RTTN: variants seen among roughly 807,000 people sequenced by gnomAD.
The protein encoded by RTTN is rotatin.
Under a neutral mutation model 269.2 loss-of-function variants are expected in RTTN, and 182 were observed. The observed-to-expected ratio is 0.68, with a 90% CI of 0.60 to 0.76. The LOEUF is 0.76. RTTN is among the 30% of genes least tolerant of loss of function. The pLI is 0.00. For synonymous variants in RTTN, 1,006 were observed against 963.5 expected (o/e 1.04, Z -0.82); for missense variants, 2,545 against 2,608.6 (o/e 0.98, Z 0.53).
At chr18:70,019,071 A>T (rs1233747154) in intron 45 of RTTN, among the ~76,000 whole-genome samples, 1 of 152,144 alleles carries the variant, frequency 6.6e-6, no homozygotes, top group African/African-American at 2.4e-5. Flanking sequence ...AGGAAGTCTC[A>T]GGCATTTCCT....
intron 30 of RTTN, among the ~76,000 whole-genome samples, chr18:70,089,971 T>A (rs2058799557): frequency 6.6e-6 from 1 of 151,872 alleles, no homozygotes; most frequent in South Asian, 2.1e-4. Flanking sequence ...GCAAAAAAAA[T>A]GAGAAAGCTT....
At chr18:70,059,125 G>A (rs776747225) in intron 36 of RTTN, among the ~76,000 whole-genome samples, 7 of 151,986 alleles carry the variant, frequency 4.6e-5, no homozygotes, top group Non-Finnish European at 1.0e-4. Flanking sequence ...AATACTTAAG[G>A]GGGTATCCTA....
chr18:70,195,554 C>T (rs2061784901), intron 7 of RTTN, among the ~76,000 whole-genome samples: 1 of 152,184 alleles, frequency 6.6e-6, no homozygotes, highest in Non-Finnish European at 1.5e-5. Context: ...CTCCTTATCT[C>T]AAGCAAACTT....
rs200315704 is a variant in RTTN at position 70,086,679 on chromosome 18, T to C, written c.4308A>G (p.Ala1436=). The part of the protein sequence containing the change: ...SECSMVRREA[A]FILQNLLVIP... The stretch of plus-strand genomic sequence containing the variant: ...TTACAAGGAGATTCTGAAGAATAAA[T>C]GCCGCCTGAAAATGTAAAAAAAAAA... Residue 1436 remains alanine (A), a synonymous_variant, in exon 32 of 49, where the codon GCA becomes GCG. Transcript: ENST00000640769. The C allele has an allele frequency of 1.2e-4, 144 of 1,228,796 alleles. No homozygotes were observed. In the African/African-American group the frequency reaches 3.6e-3, roughly 31 times the overall value. The allele number at this position is 1,228,796 out of a possible 1,614,324, so 76.1% of individuals were successfully genotyped here.
rs572282361 is a variant in RTTN at position 70,170,558 on chromosome 18, C to A, written c.1477-1491G>T. On this transcript the variant is annotated intron_variant, in intron 11 of 48. Coordinates refer to ENST00000640769, the MANE Select transcript of RTTN (RefSeq NM_173630.4). ...AAAGCATTTATAGAAGAGGGAAGAGCAATTACAAAAACTATTATTTGGTAG... is the reference window on the plus strand; with the variant it reads ...AAAGCATTTATAGAAGAGGGAAGAGAAATTACAAAAACTATTATTTGGTAG... 2.6e-5 allele frequency among the ~76,000 whole-genome samples: 4 copies of A among 152,230 alleles called. No individual in the cohort carries two copies. The East Asian group carries it at 7.7e-4, about 29-fold the overall frequency.
rs539253000 is a variant in RTTN at position 70,055,183 on chromosome 18, T to C, written c.5032-899A>G. 3.9e-5 allele frequency among the ~76,000 whole-genome samples: 6 copies of C among 152,320 alleles called. No homozygotes were observed. The South Asian group carries it at 1.2e-3, about 32-fold the overall frequency. On this transcript the variant is annotated intron_variant, in intron 37 of 48. Transcript: ENST00000640769. ...CTTTTCAGAAAAATAATCCTCTGAA[T>C]ATGTAACAATTAAAGAATGAGCTGT...
intron 46 of RTTN, among the ~76,000 whole-genome samples, chr18:70,011,403 G>A (rs12966364): frequency 2.8e-4 from 42 of 152,148 alleles, no homozygotes; most frequent in Non-Finnish European, 4.6e-4. Flanking sequence ...GATCAAGTCC[G>A]TTTCATCCCT....
chr18:70,170,904 G>A (rs1205723291), intron 11 of RTTN, among the ~76,000 whole-genome samples: 1 of 152,062 alleles, frequency 6.6e-6, no homozygotes, highest in Non-Finnish European at 1.5e-5. Context: ...GCAAAAGAAA[G>A]GAATCAAGGC....
At chr18:70,104,661 A>G (rs1315939941) in intron 28 of RTTN, among the ~76,000 whole-genome samples, 1 of 152,150 alleles carries the variant, frequency 6.6e-6, no homozygotes, top group Non-Finnish European at 1.5e-5. Flanking sequence ...ATGGTGACGT[A>G]CAGATGGGGT....
intron 18 of RTTN, among the ~76,000 whole-genome samples, chr18:70,144,980 T>C (rs961186574): frequency 6.6e-6 from 1 of 152,228 alleles, no homozygotes; most frequent in Non-Finnish European, 1.5e-5. Flanking sequence ...TCCAGTATGC[T>C]ATAGGTACAG....
rs1257467188 is a variant in RTTN at position 70,059,889 on chromosome 18, T to C, written c.4901A>G (p.Lys1634Arg). Reference protein sequence around the residue: ...LLTIAPRDTAKAFRQAHLIEL... With the variant: ...LLTIAPRDTARAFRQAHLIEL... ...TATGAGATGAGCTTGTCGAAAAGCC[T>C]TTGCAGTGTCTCTGGGAGCAATCGT... is the stretch of plus-strand genomic sequence containing the variant. Residue 1634 changes from lysine to arginine, a missense_variant, in exon 36 of 49, where the codon AAG becomes AGG. Transcript: ENST00000640769. 2 of 1,612,610 alleles carry C rather than the reference T, an allele frequency of 1.2e-6. No homozygotes were observed. Among genetic ancestry groups the C allele is most frequent in the Non-Finnish European group, 1.7e-6 (2 of 1,179,134 alleles).
chr18:70,017,781 T>C, intron 45 of RTTN, 107 bp from the exon 46 acceptor site: 1 of 808,972 alleles, frequency 1.2e-6, no homozygotes, highest in Non-Finnish European at 1.9e-6. Flanking sequence ...CCCTCTACAT[T>C]AATTTCTCCT....
chr18:70,145,720 T>C lies in RTTN; in HGVS notation c.2373A>G (p.Thr791=). 6.2e-7 allele frequency: 1 copy of C among 1,613,598 alleles called. No homozygotes were observed. Among genetic ancestry groups the C allele is most frequent in the Non-Finnish European group, 8.5e-7 (1 of 1,179,690 alleles). ...FHLTSEEGAD[T]KRPLIDARVL... ...CTCTGGCGTCTATTAGAGGACGCTT[T>C]GTATCAGCCCCTTCTTCACTGGTAA... is the stretch of plus-strand genomic sequence containing the variant. The change falls in exon 18 of 49, where the codon ACA becomes ACG. Residue 791 remains threonine (T), a synonymous_variant. Coordinates refer to ENST00000640769, the MANE Select transcript of RTTN (RefSeq NM_173630.4).
At chr18:70,092,951 A>C in intron 28 of RTTN, 147 bp from the exon 29 acceptor site, 1 of 646,736 alleles carries the variant, frequency 1.5e-6, no homozygotes, top group Non-Finnish European at 2.3e-6. Context: ...AAAAATGAAT[A>C]AGATGGTAAA....
chr18:70,075,376 T>G lies in RTTN; in HGVS notation c.4540A>C (p.Asn1514His). 1 of 1,587,242 alleles carries G rather than the reference T, an allele frequency of 6.3e-7. No homozygotes were observed. The highest frequency in any genetic ancestry group is 8.5e-7 in the Non-Finnish European group (1 of 1,169,832). The change falls in exon 33 of 49, where the codon AAT becomes CAT. Residue 1514 changes from asparagine (N) to histidine (H), a missense_variant. By Grantham distance (68) the Asn-to-His change is moderately conservative. Coordinates refer to ENST00000640769, the MANE Select transcript of RTTN (RefSeq NM_173630.4). ...CCATTTAAATCATTGCTTTCTGAAT[T>G]TCTATCAAAAGCAGAAAAATTCAAA... Reference protein sequence around the residue: ...FDLNFSAFDRNSESNDLNGLD... With the variant: ...FDLNFSAFDRHSESNDLNGLD...
At chr18:70,124,532 T>C (rs1456263663) in intron 25 of RTTN, among the ~76,000 whole-genome samples, 3 of 152,036 alleles carry the variant, frequency 2.0e-5, no homozygotes, top group South Asian at 2.1e-4. Flanking sequence ...GAGTTAACTA[T>C]GTAAAAGCAA....
chr18:70,173,425 G>A (rs547505523), intron 11 of RTTN, among the ~76,000 whole-genome samples: 189 of 151,090 alleles, frequency 1.3e-3, no homozygotes, highest in African/African-American at 4.3e-3. Flanking sequence ...CCCAGGAGGC[G>A]GAGGTTGCAG....
chr18:70,040,154 A>G (rs1235345153), intron 40 of RTTN, among the ~76,000 whole-genome samples: 3 of 152,240 alleles, frequency 2.0e-5, no homozygotes, highest in African/African-American at 7.2e-5. Context: ...ACTATGGACT[A>G]AACTCTACAA....
intron 28 of RTTN, among the ~76,000 whole-genome samples, chr18:70,097,678 T>A (rs1308245313): frequency 6.6e-6 from 1 of 152,362 alleles, no homozygotes; most frequent in East Asian, 1.9e-4. Context: ...CTGTGCTTTT[T>A]ATGTATCCTT....
Sources: gnomAD v4.1 joint callset for allele counts (sites outside exome capture counted in the v4.1 genomes callset) on GRCh38, gnomAD v4.1.1 for gene constraint, MANE v1.5 for transcripts, NCBI Gene and HGNC (gene_info 2026-07-23, HGNC 2026-07-21) for gene names.